CTNNA3: variants seen among roughly 807,000 people sequenced by gnomAD.
The protein encoded by CTNNA3 is catenin alpha-3.
A neutral mutation model predicts 95.7 loss-of-function variants in CTNNA3; 76 were observed. The observed-to-expected ratio is 0.79, with a 90% CI of 0.66 to 0.96. The LOEUF (loss-of-function observed/expected upper bound fraction) is 0.96. Ranked by LOEUF, CTNNA3 falls within the 40% of genes least tolerant of loss-of-function variation. The probability of loss-of-function intolerance (pLI) is 0.00; values close to 1 mark genes in which losing one functional copy is unlikely to be tolerated. For synonymous variants in CTNNA3, 431 were observed against 374.4 expected, an observed-to-expected ratio of 1.15 and a Z score of -1.74; for missense variants, 1,191 against 1,089.8, an observed-to-expected ratio of 1.09 and a Z score of -1.31.
upstream of CTNNA3, among the ~76,000 whole-genome samples, chr10:67,698,732 A>C (rs138516283): frequency 2.0e-5 from 3 of 152,254 alleles, no homozygotes; most frequent in East Asian, 1.9e-4. Context: ...TGTTTGTGAT[A>C]ATTAAAACCA....
At chr10:67,308,039 T>G (rs1048678858) in intron 5 of CTNNA3, among the ~76,000 whole-genome samples, 2 of 152,224 alleles carry the variant, frequency 1.3e-5, no homozygotes, top group Non-Finnish European at 2.9e-5. Context: ...ATTCTGCTAC[T>G]CTACCCTACA....
At chr10:67,077,012 G>A (rs774007746) in intron 7 of CTNNA3, among the ~76,000 whole-genome samples, 1 of 152,008 alleles carries the variant, frequency 6.6e-6, no homozygotes, top group Non-Finnish European at 1.5e-5. Flanking sequence ...TTCAGGCAAC[G>A]CCCCCAACAT....
chr10:65,931,422 T>C (rs2077250816), intron 17 of CTNNA3, among the ~76,000 whole-genome samples: 1 of 152,188 alleles, frequency 6.6e-6, no homozygotes, highest in African/African-American at 2.4e-5. Context: ...CATACCATTA[T>C]TGCTTCATCA....
intron 7 of CTNNA3, among the ~76,000 whole-genome samples, chr10:67,087,477 T>C (rs561306991): frequency 2.6e-5 from 4 of 152,064 alleles, no homozygotes; most frequent in Admixed American, 2.6e-4. Context: ...TTTTAAAAAG[T>C]TTTATACATT....
intron 7 of CTNNA3, among the ~76,000 whole-genome samples, chr10:67,167,290 T>G (rs1266569842): frequency 6.6e-6 from 1 of 152,154 alleles, no homozygotes; most frequent in Non-Finnish European, 1.5e-5. Flanking sequence ...TTTACAGTGC[T>G]GGCAGTTAAT....
At position 66,049,741 on chromosome 10, in the gene CTNNA3, G is replaced by A. The variant is rs147735849; in HGVS notation, c.2159+19567C>T. Among the ~76,000 whole-genome samples, 63 of 152,134 alleles carry A rather than the reference G, an allele frequency of 4.1e-4. 1 individual carries two copies. The East Asian group carries it at 0.012, about 28-fold the overall frequency. On this transcript the variant is annotated intron_variant, in intron 15 of 17. Coordinates refer to ENST00000433211, the MANE Select transcript of CTNNA3 (RefSeq NM_013266.4). Reference sequence around the variant, plus strand: ...CTTACTTATAAGTGGGAGTTAAATGGTAAGAACTTTTGAGCACAAAGAAGA... The same window carrying A: ...CTTACTTATAAGTGGGAGTTAAATGATAAGAACTTTTGAGCACAAAGAAGA...
intron 4 of CTNNA3, among the ~76,000 whole-genome samples, chr10:67,524,284 T>A (rs1215646416): frequency 6.7e-6 from 1 of 149,914 alleles, no homozygotes; most frequent in African/African-American, 2.5e-5. Flanking sequence ...GCGCCTGTAG[T>A]CCCCGCGGGA....
intron 10 of CTNNA3, among the ~76,000 whole-genome samples, chr10:66,536,343 ATGG>A (rs752390523): frequency 5.9e-5 from 9 of 151,852 alleles, no homozygotes; most frequent in Non-Finnish European, 8.8e-5. Flanking sequence ...GTAGCTAGGC[ATGG>A]TGGTGTGCAC....
chr10:67,522,717 A>G (rs1410143778), intron 4 of CTNNA3, among the ~76,000 whole-genome samples: 1 of 151,824 alleles, frequency 6.6e-6, no homozygotes, highest in African/African-American at 2.4e-5. Flanking sequence ...AACGAACCAC[A>G]GAATACTGTC....
chr10:66,489,416 T>C (rs1323746052), intron 11 of CTNNA3, among the ~76,000 whole-genome samples: 1 of 151,932 alleles, frequency 6.6e-6, no homozygotes, highest in Non-Finnish European at 1.5e-5. Flanking sequence ...AAAATAGATA[T>C]CATGGAAGAA....
chr10:66,874,009 A>G (rs1201196738), intron 7 of CTNNA3, among the ~76,000 whole-genome samples: 1 of 152,170 alleles, frequency 6.6e-6, no homozygotes, highest in Non-Finnish European at 1.5e-5. Flanking sequence ...CAGAGCTACC[A>G]GATTCAAGTC....
intron 9 of CTNNA3, 74 bp downstream of exon 9, chr10:66,766,190 C>T: frequency 2.0e-6 from 3 of 1,485,420 alleles, no homozygotes; most frequent in South Asian, 2.4e-5. Flanking sequence ...TATTTAGGTA[C>T]AATTCAACCA....
intron 7 of CTNNA3, among the ~76,000 whole-genome samples, chr10:66,971,008 T>C (rs1430550663): frequency 6.6e-6 from 1 of 152,178 alleles, no homozygotes; most frequent in Non-Finnish European, 1.5e-5. Flanking sequence ...TGCAAGTTTA[T>C]TTGCCTTTCT....
intron 11 of CTNNA3, among the ~76,000 whole-genome samples, chr10:66,426,418 A>G (rs2093241806): frequency 6.6e-6 from 1 of 151,984 alleles, no homozygotes; most frequent in Admixed American, 6.6e-5. Flanking sequence ...TTTCTTTTTT[A>G]ATTTACTCTT....
intron 7 of CTNNA3, among the ~76,000 whole-genome samples, chr10:66,857,233 G>T (rs1055853114): frequency 4.0e-5 from 6 of 151,748 alleles, no homozygotes; most frequent in African/African-American, 1.5e-4. Context: ...CTTATTTCTG[G>T]GCTCTCTATT....
intron 12 of CTNNA3, among the ~76,000 whole-genome samples, chr10:66,282,193 T>A (rs1179580873): frequency 2.0e-5 from 3 of 151,736 alleles, no homozygotes; most frequent in African/African-American, 4.8e-5. Context: ...GCGGACGGAA[T>A]AATAAAGCAA....
intron 9 of CTNNA3, among the ~76,000 whole-genome samples, chr10:66,687,566 G>C (rs1847343874): frequency 6.6e-6 from 1 of 151,978 alleles, no homozygotes; most frequent in South Asian, 2.1e-4. Flanking sequence ...AATAATTGTA[G>C]GATGAATTAC....
intron 10 of CTNNA3, among the ~76,000 whole-genome samples, chr10:66,540,548 T>C: frequency 6.6e-6 from 1 of 152,026 alleles, no homozygotes; most frequent in South Asian, 2.1e-4. Flanking sequence ...AGTGCAGAAA[T>C]AAAGTTGAGC....
At chr10:67,308,423 C>T (rs1269303513) in intron 5 of CTNNA3, among the ~76,000 whole-genome samples, 1 of 152,202 alleles carries the variant, frequency 6.6e-6, no homozygotes, top group Non-Finnish European at 1.5e-5. Context: ...CCATGTAAGA[C>T]ATGACTTTGC....
Sources: allele counts gnomAD v4.1 joint callset (sites outside exome capture counted in the v4.1 genomes callset), GRCh38; gene constraint gnomAD v4.1.1; transcripts MANE v1.5; gene names NCBI Gene and HGNC (gene_info 2026-07-23, HGNC 2026-07-21).